The following RABEP1 variants were observed in gnomAD, a reference collection of about 807,000 sequenced individuals.
RABEP1 encodes the protein rabaptin, RAB GTPase binding effector protein 1.
Under a neutral mutation model 123.4 loss-of-function variants are expected in RABEP1, and 51 were observed. The observed-to-expected ratio is 0.41, with a 90% confidence interval of 0.33 to 0.52. RABEP1 has a LOEUF of 0.52. RABEP1 is among the 20% of genes least tolerant of loss of function. The pLI, the probability that RABEP1 is intolerant of heterozygous loss-of-function variation, is 0.16. For missense variants in RABEP1, 888 were observed against 996.3 expected (o/e 0.89, Z 1.46); for synonymous variants, 347 against 355.2 (o/e 0.98, Z 0.26).
intron 5 of RABEP1, among the ~76,000 whole-genome samples, chr17:5,342,176 G>A (rs1401292475): frequency 6.6e-6 from 1 of 151,780 alleles, no homozygotes; most frequent in Non-Finnish European, 1.5e-5. Context: ...ACCAGTTGAA[G>A]AATGCAGTGG....
chr17:5,356,853 G>A (rs536839301), intron 8 of RABEP1, among the ~76,000 whole-genome samples: 5 of 147,824 alleles, frequency 3.4e-5, no homozygotes, highest in East Asian at 4.0e-4. Context: ...ATGTTGCCCC[G>A]GCTGGAACAC....
chr17:5,342,606 A>G (rs1027958864), intron 5 of RABEP1, among the ~76,000 whole-genome samples: 3 of 152,264 alleles, frequency 2.0e-5, no homozygotes, highest in African/African-American at 7.2e-5. Context: ...ACTCTGTCTC[A>G]CACACACACA....
intron 2 of RABEP1, among the ~76,000 whole-genome samples, chr17:5,312,177 C>T (rs1319515267): frequency 6.6e-6 from 1 of 152,024 alleles, no homozygotes; most frequent in Non-Finnish European, 1.5e-5. Context: ...GGCAGAGTCT[C>T]ACTTTTTCGC....
chr17:5,352,849 C>A (rs1455849002), intron 7 of RABEP1, among the ~76,000 whole-genome samples: 1 of 151,980 alleles, frequency 6.6e-6, no homozygotes, highest in Non-Finnish European at 1.5e-5. Context: ...AAAACAAAAA[C>A]AAAGAGTCTA....
intron 5 of RABEP1, among the ~76,000 whole-genome samples, chr17:5,341,285 ACAT>A (rs893450291): frequency 6.6e-6 from 1 of 152,200 alleles, no homozygotes; most frequent in Non-Finnish European, 1.5e-5. Context: ...AAAAAAAAGA[ACAT>A]AACTACAAAT....
chr17:5,307,792 T>C (rs2075194476), intron 1 of RABEP1, among the ~76,000 whole-genome samples: 1 of 152,190 alleles, frequency 6.6e-6, no homozygotes, highest in South Asian at 2.1e-4. Flanking sequence ...CACACCATGA[T>C]CAATGTTGAA....
At position 5,311,726 on chromosome 17, in the gene RABEP1, T is replaced by TA. The variant is rs1263302841; in HGVS notation, c.163+2910dup. On this transcript the variant is annotated intron_variant, in intron 2 of 17. Transcript: ENST00000537505. ...AAAAAAAAAAAAAAAAAAAACAGAC[T>TA]AAAAAATAGGAAAATATAAAAATCA... is the stretch of plus-strand genomic sequence containing the variant. Among the ~76,000 whole-genome samples the TA allele has an allele frequency of 1.2e-4, 17 of 137,174 alleles. No individual in the cohort carries two copies. In the East Asian group the frequency reaches 3.6e-3, roughly 29 times the overall value. 90.0% of individuals were successfully genotyped at this position (137,174 alleles called of 152,430 possible). A position where few individuals can be genotyped will look rare whatever the true frequency, so the allele number is the denominator to read the frequency against.
chr17:5,303,251 A>AT (rs1051891114), intron 1 of RABEP1, among the ~76,000 whole-genome samples: 2 of 151,372 alleles, frequency 1.3e-5, no homozygotes, highest in African/African-American at 2.4e-5. Context: ...ATTTTATTTT[A>AT]TTTTTTTTGA....
intron 8 of RABEP1, among the ~76,000 whole-genome samples, chr17:5,355,987 G>C (rs991830736): frequency 2.0e-5 from 3 of 152,118 alleles, no homozygotes; most frequent in African/African-American, 7.2e-5. Context: ...TTGAAAAGTG[G>C]GAAAACAGGA....
Position 5,297,204 on chromosome 17 carries a change from C to T in RABEP1, c.35-11490C>T, listed in dbSNP as rs1024363694. 2.0e-5 allele frequency among the ~76,000 whole-genome samples: 3 copies of T among 152,000 alleles called. No homozygotes were observed. In the East Asian group the frequency reaches 5.8e-4, roughly 29 times the overall value. ...TTGTATAATGACCTTTAGTTGAGAA[C>T]CACTGGTTTATGACAAAATGCTTTA... On this transcript the variant is annotated intron_variant, in intron 1 of 17. Transcript: ENST00000537505.
chr17:5,345,961 A>AT (rs148989514), intron 5 of RABEP1, among the ~76,000 whole-genome samples: 1 of 151,896 alleles, frequency 6.6e-6, no homozygotes, highest in Non-Finnish European at 1.5e-5. Context: ...GAAGAATTGT[A>AT]TTTTTTTTGG....
intron 1 of RABEP1, among the ~76,000 whole-genome samples, chr17:5,301,760 A>G (rs1411811474): frequency 6.6e-6 from 1 of 151,980 alleles, no homozygotes. Flanking sequence ...GGCCTAACCA[A>G]TAACTTTGTT....
chr17:5,303,307 T>C (rs925971865), intron 1 of RABEP1, among the ~76,000 whole-genome samples: 3 of 152,168 alleles, frequency 2.0e-5, no homozygotes, highest in African/African-American at 7.2e-5. Flanking sequence ...AGTGGTGCGA[T>C]CTTGGCTCAC....
intron 1 of RABEP1, among the ~76,000 whole-genome samples, chr17:5,303,766 C>T (rs2075156202): frequency 6.6e-6 from 1 of 152,126 alleles, no homozygotes; most frequent in African/African-American, 2.4e-5. Context: ...GGTGTGGTGG[C>T]TCACACCTAT....
chr17:5,331,044 T>TC (rs1244402777), intron 2 of RABEP1, among the ~76,000 whole-genome samples: 5 of 119,046 alleles, frequency 4.2e-5, no homozygotes, highest in Non-Finnish European at 8.1e-5. Flanking sequence ...TTTTTTTTTT[T>TC]TTTTTTTTTT....
At chr17:5,293,588 G>C (rs966384002) in intron 1 of RABEP1, among the ~76,000 whole-genome samples, 1 of 152,004 alleles carries the variant, frequency 6.6e-6, no homozygotes, top group Non-Finnish European at 1.5e-5. Flanking sequence ...TGTATTTTTT[G>C]TACAGACAGA....
chr17:5,332,760 C>T (rs572228271), intron 3 of RABEP1, among the ~76,000 whole-genome samples: 1 of 152,068 alleles, frequency 6.6e-6, no homozygotes, highest in Admixed American at 6.6e-5. Flanking sequence ...AAGCATGTGC[C>T]ACCACGCCCA....
intron 8 of RABEP1, among the ~76,000 whole-genome samples, chr17:5,357,730 C>T (rs1242694076): frequency 1.3e-5 from 2 of 152,044 alleles, no homozygotes; most frequent in Non-Finnish European, 2.9e-5. Flanking sequence ...TTCAATGCCC[C>T]TGAAAAAAGT....
intron 11 of RABEP1, among the ~76,000 whole-genome samples, chr17:5,367,692 G>A (rs762239576): frequency 6.6e-6 from 1 of 150,766 alleles, no homozygotes; most frequent in Non-Finnish European, 1.5e-5. Flanking sequence ...TGTTCAGTTG[G>A]TCTGTTTGCC....
Sources: allele counts gnomAD v4.1 joint callset (sites outside exome capture counted in the v4.1 genomes callset), GRCh38; gene constraint gnomAD v4.1.1; transcripts MANE v1.5; gene names NCBI Gene and HGNC (gene_info 2026-07-23, HGNC 2026-07-21).